TNRC6B: variants seen among roughly 807,000 people sequenced by gnomAD.
TNRC6B encodes the protein trinucleotide repeat containing adaptor 6B, also known as trinucleotide repeat-containing gene 6B protein.
TNRC6B carries 52 observed loss-of-function variants against 203.6 expected under a neutral mutation model. That is an observed-to-expected ratio of 0.26 (90% CI 0.20 to 0.32). TNRC6B has a LOEUF of 0.32. TNRC6B is among the 10% of genes least tolerant of loss of function. The pLI is 1.00. For synonymous variants in TNRC6B, 838 were observed against 845.7 expected, an observed-to-expected ratio of 0.99 and a Z score of 0.16; for missense variants, 1,923 against 2,286.2, an observed-to-expected ratio of 0.84 and a Z score of 3.24.
intron 1 of TNRC6B, among the ~76,000 whole-genome samples, chr22:40,054,663 G>A (rs964819203): frequency 6.6e-6 from 1 of 152,194 alleles, no homozygotes; most frequent in Non-Finnish European, 1.5e-5. Flanking sequence ...ATCTAGCACT[G>A]TGAGTTGCAC....
chr22:40,092,220 T>C (rs1362787669), intron 1 of TNRC6B, among the ~76,000 whole-genome samples: 2 of 151,948 alleles, frequency 1.3e-5, no homozygotes, highest in African/African-American at 4.8e-5. Context: ...CTAGCCAACA[T>C]GGAGAAACCC....
chr22:40,175,452 G>C (rs2069046674), upstream of TNRC6B, among the ~76,000 whole-genome samples: 1 of 152,112 alleles, frequency 6.6e-6, no homozygotes, highest in Admixed American at 6.5e-5. Context: ...TTTTCATGCA[G>C]TTTGCTATTT....
intron 1 of TNRC6B, among the ~76,000 whole-genome samples, chr22:40,111,643 A>G (rs2068335975): frequency 6.6e-6 from 1 of 152,230 alleles, no homozygotes; most frequent in Admixed American, 6.5e-5. Flanking sequence ...GTGAGGCAGA[A>G]GAACACGCTT....
chr22:40,239,729 A>G (rs565312081), intron 1 of TNRC6B, among the ~76,000 whole-genome samples: 3 of 152,184 alleles, frequency 2.0e-5, no homozygotes, highest in Non-Finnish European at 4.4e-5. Context: ...GCCGGTTCCT[A>G]GGGATCTCAG....
intron 1 of TNRC6B, among the ~76,000 whole-genome samples, chr22:40,181,530 C>T (rs763211786): frequency 6.6e-6 from 1 of 152,206 alleles, no homozygotes; most frequent in Non-Finnish European, 1.5e-5. Context: ...ACCAGGTCAG[C>T]ATTATTGGTA....
At chr22:40,118,592 T>G (rs1274765347) in intron 2 of TNRC6B, among the ~76,000 whole-genome samples, 5 of 152,232 alleles carry the variant, frequency 3.3e-5, no homozygotes, top group Admixed American at 2.6e-4. Flanking sequence ...GAAAAAGCAC[T>G]GTCATTGATT....
chr22:40,180,142 G>A (rs2146379300), intron 1 of TNRC6B, among the ~76,000 whole-genome samples: 1 of 152,342 alleles, frequency 6.6e-6, no homozygotes, highest in South Asian at 2.1e-4. Context: ...AATTACCTTA[G>A]TGATAGAGAA....
rs2146278777 is a variant in TNRC6B at position 40,069,424 on chromosome 22, A to G, written c.-121+24426A>G. ...CCTGGCCTAAAAGTTGTTTTAAGGA[A>G]TATTTTGTGTTATTTTTCAGTCTTT... On this transcript the variant is annotated intron_variant, in intron 1 of 23. Transcript: ENST00000301923. Among the ~76,000 whole-genome samples the G allele has an allele frequency of 1.3e-5, 2 of 151,644 alleles. 1 individual carries two copies. The highest frequency in any genetic ancestry group is 6.9e-3 in the Middle Eastern group (2 of 290).
intron 4 of TNRC6B, among the ~76,000 whole-genome samples, chr22:40,168,083 T>C (rs994870367): frequency 6.6e-6 from 1 of 152,188 alleles, no homozygotes; most frequent in Non-Finnish European, 1.5e-5. Context: ...CAAACTGGTC[T>C]CTCTTAGAGC....
rs1172849077 is a variant in TNRC6B, at chr22:40,310,979, C to G, written c.4421C>G (p.Ala1474Gly). The change falls in exon 17 of 23, where the codon GCC becomes GGC. Residue 1474 changes from alanine (A) to glycine (G), a missense_variant. This residue lies in a region of TNRC6B where 242 missense variants were observed against 399.5 expected (regional missense o/e 0.61). Coordinates refer to ENST00000454349, the MANE Select transcript of TNRC6B (RefSeq NM_001162501.2). ...AAAATCGGAAGTAAATCCAGCAATG[C>G]CAGTTGGCCTCCAGGTATTGTCTAG... ...TNKIGSKSSNASWPPEFQPGV... is the reference protein window; with the variant it reads ...TNKIGSKSSNGSWPPEFQPGV... 1 of 1,607,246 alleles carries G rather than the reference C, an allele frequency of 6.2e-7. No individual in the cohort carries two copies. Among genetic ancestry groups the G allele is most frequent in the East Asian group, 2.2e-5 (1 of 44,808 alleles).
rs543157544 is a variant in TNRC6B at position 40,110,405 on chromosome 22, G to T, written c.-120-6650G>T. Reference sequence around the variant, plus strand: ...AGCATTCAGTAAAGCTGGTTGAGTTGAATCTGCTGTTTCAGTAGCTGCCTC... The same window carrying T: ...AGCATTCAGTAAAGCTGGTTGAGTTTAATCTGCTGTTTCAGTAGCTGCCTC... On this transcript the variant is annotated intron_variant, in intron 1 of 23. Transcript: ENST00000301923. 1.5e-4 allele frequency among the ~76,000 whole-genome samples: 23 copies of T among 152,344 alleles called. 1 individual carries two copies. The highest frequency in any genetic ancestry group is 1.2e-3 in the South Asian group (6 of 4,832).
rs765835653 is a variant in TNRC6B, at chr22:40,261,873, G to T, written c.157G>T (p.Ala53Ser). The change falls in exon 4 of 23, where the codon GCC becomes TCC. Residue 53 changes from alanine to serine, a missense_variant. By Grantham distance (99) the Ala-to-Ser change is moderately conservative. Coordinates refer to ENST00000454349, the MANE Select transcript of TNRC6B (RefSeq NM_001162501.2). The part of the protein sequence containing the change: ...TKPSLSQPTA[A>S]SPIGSSPSPP... Reference sequence around the variant, plus strand: ...ACCAAGTTTAAGCCAACCAACGGCCGCCAGCCCAATTGGCAGCTCTCCATC... The same window carrying T: ...ACCAAGTTTAAGCCAACCAACGGCCTCCAGCCCAATTGGCAGCTCTCCATC... 47 of 1,585,256 alleles carry T rather than the reference G, an allele frequency of 3.0e-5. No homozygotes were observed. Among genetic ancestry groups the T allele is most frequent in the East Asian group, 6.8e-5 (3 of 44,194 alleles).
intron 15 of TNRC6B, among the ~76,000 whole-genome samples, chr22:40,302,844 C>T: frequency 6.6e-6 from 1 of 152,052 alleles, no homozygotes; most frequent in East Asian, 1.9e-4. Flanking sequence ...CTTCCACCAA[C>T]TGTTTTCATT....
intron 1 of TNRC6B, among the ~76,000 whole-genome samples, chr22:40,220,100 G>A (rs1174831968): frequency 2.0e-5 from 3 of 152,238 alleles, no homozygotes; most frequent in South Asian, 2.1e-4. Context: ...GAATCGCTGC[G>A]GTAGTAGGTG....
In TNRC6B at chr22:40,310,941, T is replaced by G; in HGVS notation, c.4383T>G (p.Ser1461=). Residue 1461 remains serine, a synonymous_variant, in exon 17 of 23, where the codon TCT becomes TCG. Coordinates refer to ENST00000454349, the MANE Select transcript of TNRC6B (RefSeq NM_001162501.2). ...GTGATAGCTGGTTACCTGCCAAATCTCCACCAACAAATAAAATCGGAAGTA... is the reference window on the plus strand; with the variant it reads ...GTGATAGCTGGTTACCTGCCAAATCGCCACCAACAAATAAAATCGGAAGTA... ...PAGDSWLPAK[S]PPTNKIGSKS... is the part of the protein sequence containing the mutation. The G allele has an allele frequency of 3.1e-6, 5 of 1,610,650 alleles. No homozygotes were observed. Among genetic ancestry groups the G allele is most frequent in the Non-Finnish European group, 4.2e-6 (5 of 1,178,932 alleles).
intron 3 of TNRC6B, among the ~76,000 whole-genome samples, chr22:40,140,305 T>C (rs2068634565): frequency 6.6e-6 from 1 of 152,198 alleles, no homozygotes; most frequent in Non-Finnish European, 1.5e-5. Context: ...CTTTGAAGCT[T>C]ATTTTGACCA....
chr22:40,289,039 C>T (rs2070831763), intron 12 of TNRC6B, among the ~76,000 whole-genome samples: 1 of 151,106 alleles, frequency 6.6e-6, no homozygotes, highest in South Asian at 2.1e-4. Context: ...GTCTGGGACT[C>T]TTGACCTCAA....
chr22:40,297,172 G>T (rs191809529), intron 12 of TNRC6B, among the ~76,000 whole-genome samples: 1 of 152,144 alleles, frequency 6.6e-6, no homozygotes. Context: ...TTAACAGGCC[G>T]TTTGACAACT....
At chr22:40,279,774 T>C (rs1265999599) in intron 9 of TNRC6B, among the ~76,000 whole-genome samples, 2 of 152,166 alleles carry the variant, frequency 1.3e-5, no homozygotes, top group Non-Finnish European at 2.9e-5. Flanking sequence ...TTTTGTTTTG[T>C]TTTTTAAAAT....
Sources: allele counts gnomAD v4.1 joint callset (sites outside exome capture counted in the v4.1 genomes callset), GRCh38; gene constraint gnomAD v4.1.1; regional missense constraint gnomAD v4.1.1; transcripts MANE v1.5; gene names NCBI Gene and HGNC (gene_info 2026-07-23, HGNC 2026-07-21).